Variants in LEPR observed in about 807,000 individuals in gnomAD.
The protein encoded by LEPR is OB receptor.
LEPR carries 56 observed loss-of-function variants against 114.7 expected under a neutral mutation model. The ratio of observed to expected loss-of-function variants is 0.49; its 90% CI spans 0.39 to 0.61. The LOEUF (loss-of-function observed/expected upper bound fraction) is 0.61. LEPR is among the 20% of genes least tolerant of loss of function. The pLI, the probability that LEPR is intolerant of heterozygous loss-of-function variation, is 0.00. For synonymous variants in LEPR, 443 were observed against 461.4 expected, an observed-to-expected ratio of 0.96 and a Z score of 0.51; for missense variants, 1,202 against 1,352.9, an observed-to-expected ratio of 0.89 and a Z score of 1.75.
In LEPR at chr1:65,510,569, CTTTA is replaced by C. The variant is rs552796098; in HGVS notation, c.-20-54972_-20-54969del. Among the ~76,000 whole-genome samples, 354 of 152,302 alleles carry C rather than the reference CTTTA, an allele frequency of 2.3e-3. 3 individuals are homozygous for C. Among genetic ancestry groups the C allele is most frequent in the African/African-American group, 8.0e-3 (334 of 41,564 alleles). Reference sequence around the variant, plus strand: ...ATTACCTTATGTGTTTCCACCAGTACTTTATTTACCCCATAACCCTCATCTATTC... The same window carrying C: ...ATTACCTTATGTGTTTCCACCAGTACTTTACCCCATAACCCTCATCTATTC... On this transcript the variant is annotated intron_variant, in intron 2 of 19. Transcript: ENST00000349533.
intron 2 of LEPR, among the ~76,000 whole-genome samples, chr1:65,498,961 T>C (rs959025375): frequency 1.2e-4 from 18 of 152,100 alleles, no homozygotes; most frequent in East Asian, 9.7e-4. Context: ...TTCTTTCCAA[T>C]TGAGTATCAT....
intron 2 of LEPR, among the ~76,000 whole-genome samples, chr1:65,542,160 A>G (rs962245624): frequency 6.6e-6 from 1 of 152,138 alleles, no homozygotes; most frequent in East Asian, 1.9e-4. Flanking sequence ...TACTGCTTGC[A>G]TACCCATACA....
At chr1:65,490,354 T>TA (rs1439865364) in intron 2 of LEPR, among the ~76,000 whole-genome samples, 1 of 152,208 alleles carries the variant, frequency 6.6e-6, no homozygotes, top group East Asian at 1.9e-4. Context: ...AATGTTACTT[T>TA]AAAAAATCTT....
chr1:65,482,499 T>G (rs972514936), intron 2 of LEPR, among the ~76,000 whole-genome samples: 30 of 152,266 alleles, frequency 2.0e-4, no homozygotes, highest in African/African-American at 7.2e-4. Context: ...GTGACTGGTA[T>G]GAGGACTAAG....
chr1:65,508,920 T>A (rs1648891694), intron 2 of LEPR, among the ~76,000 whole-genome samples: 1 of 152,172 alleles, frequency 6.6e-6, no homozygotes, highest in African/African-American at 2.4e-5. Flanking sequence ...GTTAAATTAC[T>A]CCTAAGTATT....
intron 2 of LEPR, among the ~76,000 whole-genome samples, chr1:65,555,356 A>T (rs545664359): frequency 6.6e-6 from 1 of 152,346 alleles, no homozygotes; most frequent in South Asian, 2.1e-4. Flanking sequence ...CACCTGGATG[A>T]ATGGTTCTCC....
chr1:65,602,726 T>C (rs1656525283), intron 10 of LEPR, among the ~76,000 whole-genome samples: 1 of 152,150 alleles, frequency 6.6e-6, no homozygotes, highest in South Asian at 2.1e-4. Context: ...TCTTAAAATA[T>C]AAATTTTCAA....
intron 2 of LEPR, among the ~76,000 whole-genome samples, chr1:65,520,956 G>A (rs915994957): frequency 6.6e-6 from 1 of 152,150 alleles, no homozygotes; most frequent in Non-Finnish European, 1.5e-5. Context: ...CTCTCATTCC[G>A]GTAAACCCAC....
Position 65,565,188 on chromosome 1 carries a change from G to A in LEPR, c.-20-358G>A, listed in dbSNP as rs538912627. ...CCTGAGCATGAAAGAAATTGAAGAC[G>A]GTGATATTAATGATGTTAAATTAGC... On this transcript the variant is annotated intron_variant, in intron 2 of 19. Coordinates refer to ENST00000349533, the MANE Select transcript of LEPR (RefSeq NM_002303.6). 3.3e-5 allele frequency among the ~76,000 whole-genome samples: 5 copies of A among 152,170 alleles called. No homozygotes were observed. The East Asian group carries it at 5.8e-4, about 18-fold the overall frequency.
intron 2 of LEPR, chr1:65,526,018 C>T (rs577357304): frequency 3.6e-6 from 3 of 834,320 alleles, no homozygotes; most frequent in South Asian, 1.1e-4. Flanking sequence ...GGTGCGACGC[C>T]GGGCGACTCT....
At chr1:65,500,972 A>G (rs548185064) in intron 2 of LEPR, among the ~76,000 whole-genome samples, 42 of 152,162 alleles carry the variant, frequency 2.8e-4, no homozygotes, top group African/African-American at 9.6e-4. Flanking sequence ...TATTAATAAT[A>G]AAGTTCTATA....
chr1:65,439,809 C>T (rs1254376945), intron 2 of LEPR, among the ~76,000 whole-genome samples: 1 of 102,744 alleles, frequency 9.7e-6, no homozygotes, highest in South Asian at 3.3e-4. Flanking sequence ...GCCTGGGCAA[C>T]AAGAGTGAAA....
At chr1:65,635,807 G>T (rs1447396873) in intron 19 of LEPR, among the ~76,000 whole-genome samples, 1 of 152,156 alleles carries the variant, frequency 6.6e-6, no homozygotes, top group Non-Finnish European at 1.5e-5. Flanking sequence ...ATCTTCAGAA[G>T]ATAGCATTTT....
At chr1:65,475,535 T>A (rs1337931071) in intron 2 of LEPR, among the ~76,000 whole-genome samples, 1 of 152,220 alleles carries the variant, frequency 6.6e-6, no homozygotes, top group African/African-American at 2.4e-5. Flanking sequence ...TCCCTGACCT[T>A]TTCAAGACTG....
intron 2 of LEPR, among the ~76,000 whole-genome samples, chr1:65,519,907 C>T (rs1284764612): frequency 1.3e-5 from 2 of 152,028 alleles, no homozygotes; most frequent in African/African-American, 4.8e-5. Flanking sequence ...CTCTGTTGCC[C>T]AGGCTGGAGT....
intron 3 of LEPR, among the ~76,000 whole-genome samples, chr1:65,568,518 GTGTGTGTGCATGTGCA>G (rs1169992125): frequency 6.6e-6 from 1 of 151,840 alleles, no homozygotes. Context: ...GTGTGTGTGT[GTGTGTGTGCATGTGCA>G]TGTGTGTGAA....
intron 2 of LEPR, among the ~76,000 whole-genome samples, chr1:65,491,818 A>G (rs1448035556): frequency 2.0e-5 from 3 of 152,122 alleles, no homozygotes; most frequent in African/African-American, 7.2e-5. Context: ...AGGAGTACTT[A>G]AAGTAAAATG....
intron 14 of LEPR, among the ~76,000 whole-genome samples, 200 bp from the exon 15 acceptor site, chr1:65,615,808 G>A (rs112466642): frequency 1.3e-5 from 2 of 152,166 alleles, no homozygotes; most frequent in East Asian, 1.9e-4. Context: ...GCTCCATAAC[G>A]ATCCAGACAC....
intron 2 of LEPR, among the ~76,000 whole-genome samples, chr1:65,492,066 T>C (rs1004025145): frequency 5.9e-5 from 9 of 152,154 alleles, no homozygotes; most frequent in Admixed American, 3.9e-4. Context: ...AACAATTTCT[T>C]GTGCTCCTTT....
Sources: allele counts gnomAD v4.1 joint callset (sites outside exome capture counted in the v4.1 genomes callset), GRCh38; gene constraint gnomAD v4.1.1; transcripts MANE v1.5; gene names NCBI Gene and HGNC (gene_info 2026-07-23, HGNC 2026-07-21).